The following ACTR3C variants were observed in gnomAD, a reference collection of about 807,000 sequenced individuals.
The protein encoded by ACTR3C is actin related protein 3C.
In ACTR3C, 18 loss-of-function variants were observed where a neutral mutation model predicts 26.3. That is an observed-to-expected ratio of 0.68 (90% CI 0.47 to 1.01). ACTR3C has a LOEUF of 1.01. ACTR3C is among the 50% of genes least tolerant of loss of function. ACTR3C has a pLI of 0.00. For synonymous variants in ACTR3C, 55 were observed against 94.5 expected, an observed-to-expected ratio of 0.58 and a Z score of 2.42; for missense variants, 184 against 250.7, an observed-to-expected ratio of 0.73 and a Z score of 1.80.
intron 6 of ACTR3C, among the ~76,000 whole-genome samples, chr7:150,261,592 C>A (rs1833639410): frequency 6.6e-6 from 1 of 152,258 alleles, no homozygotes; most frequent in South Asian, 2.1e-4. Context: ...ATCCCAGCTA[C>A]TTGGGAGGCT....
the ACTR3C span, among the ~76,000 whole-genome samples, chr7:150,192,615 T>C: frequency 6.6e-6 from 1 of 152,206 alleles, no homozygotes; most frequent in African/African-American, 2.4e-5. Flanking sequence ...ATTTATTCCT[T>C]AAATACCGAC....
the ACTR3C span, among the ~76,000 whole-genome samples, chr7:149,885,679 G>A: frequency 1.3e-5 from 2 of 152,246 alleles, no homozygotes; most frequent in Non-Finnish European, 2.9e-5. Flanking sequence ...AAAGACCTGG[G>A]ACACACTGGG....
At chr7:150,035,792 G>C in the ACTR3C span, among the ~76,000 whole-genome samples, 1 of 135,830 alleles carries the variant, frequency 7.4e-6, no homozygotes, top group African/African-American at 2.7e-5. Context: ...CTAAGAGCCA[G>C]TGGGGGAACC....
chr7:150,028,006 A>T, the ACTR3C span, among the ~76,000 whole-genome samples: 2 of 152,300 alleles, frequency 1.3e-5, no homozygotes, highest in African/African-American at 2.4e-5. Context: ...CCCAAAAAAT[A>T]AAAAAATTAA....
chr7:150,039,730 CCTCGCGGGGGGTGCCTCCCCCTCCTGCG>C, the ACTR3C span, among the ~76,000 whole-genome samples: 2 of 135,294 alleles, frequency 1.5e-5, no homozygotes, highest in African/African-American at 5.4e-5. Flanking sequence ...CAGTCCCCAC[CCTCGCGGGGGGTGCCTCCCCCTCCTGCG>C]ATGGGGGTCC....
intron 1 of ACTR3C, among the ~76,000 whole-genome samples, chr7:150,322,442 A>G (rs1373509314): frequency 6.6e-6 from 1 of 152,220 alleles, no homozygotes; most frequent in Non-Finnish European, 1.5e-5. Context: ...CTCACTGCTC[A>G]TTATGCACTA....
chr7:150,041,909 C>A, the ACTR3C span, among the ~76,000 whole-genome samples: 1 of 81,122 alleles, frequency 1.2e-5, no homozygotes, highest in African/African-American at 3.3e-5. Context: ...GTCCTCAGAG[C>A]CAGGGGGGGA....
the ACTR3C span, among the ~76,000 whole-genome samples, chr7:150,035,725 G>C: frequency 1.4e-5 from 2 of 140,258 alleles, 1 homozygote; most frequent in African/African-American, 5.2e-5. Flanking sequence ...GGTGAAGATG[G>C]TCTGGCTCTC....
At chr7:150,212,672 G>C in the ACTR3C span, among the ~76,000 whole-genome samples, 1 of 152,164 alleles carries the variant, frequency 6.6e-6, no homozygotes, top group Non-Finnish European at 1.5e-5. Flanking sequence ...GATAAGAAAA[G>C]CTATGAACTA....
chr7:150,112,036 T>C, the ACTR3C span, among the ~76,000 whole-genome samples: 1 of 150,704 alleles, frequency 6.6e-6, no homozygotes, highest in Non-Finnish European at 1.5e-5. Context: ...CATTTATTCC[T>C]CCGACTCACT....
At chr7:150,045,521 A>T in the ACTR3C span, among the ~76,000 whole-genome samples, 1 of 152,132 alleles carries the variant, frequency 6.6e-6, no homozygotes, top group Non-Finnish European at 1.5e-5. Context: ...ATACTATATA[A>T]ACACACAATA....
At chr7:150,294,136 C>A (rs907688376) in intron 2 of ACTR3C, among the ~76,000 whole-genome samples, 1 of 152,126 alleles carries the variant, frequency 6.6e-6, no homozygotes, top group Admixed American at 6.5e-5. Flanking sequence ...AAATTCTAAT[C>A]TGGAAGGTAC....
the ACTR3C span, among the ~76,000 whole-genome samples, chr7:150,139,546 G>A: frequency 6.6e-6 from 1 of 152,272 alleles, no homozygotes; most frequent in Non-Finnish European, 1.5e-5. Flanking sequence ...AACAGTGGCT[G>A]GGCATCGGCT....
chr7:150,037,160 C>CCT, the ACTR3C span, among the ~76,000 whole-genome samples: 1 of 48,388 alleles, frequency 2.1e-5, no homozygotes, highest in African/African-American at 8.0e-5. Flanking sequence ...GTGCCTCCCC[C>CCT]CCTGTGATGG....
At chr7:150,138,688 T>G in the ACTR3C span, among the ~76,000 whole-genome samples, 1 of 152,254 alleles carries the variant, frequency 6.6e-6, no homozygotes. Context: ...GCTCCCACAG[T>G]AAACAAATCA....
At chr7:150,036,858 A>G in the ACTR3C span, among the ~76,000 whole-genome samples, 27 of 114,548 alleles carry the variant, frequency 2.4e-4, 8 homozygotes, top group Non-Finnish European at 5.0e-4. Context: ...GGGGGGTCCT[A>G]AGCCAGGGGG....
chr7:150,003,274 A>G, the ACTR3C span, among the ~76,000 whole-genome samples: 2 of 152,272 alleles, frequency 1.3e-5, no homozygotes, highest in African/African-American at 4.8e-5. Context: ...TGTGGTGTAT[A>G]TGATATGGTA....
the ACTR3C span, among the ~76,000 whole-genome samples, chr7:150,237,706 G>C: frequency 1.3e-5 from 2 of 152,088 alleles, no homozygotes; most frequent in African/African-American, 2.4e-5. Flanking sequence ...AATAACGGGA[G>C]TATGGCAGGG....
the ACTR3C span, among the ~76,000 whole-genome samples, chr7:150,070,349 G>T: frequency 1.3e-5 from 2 of 152,212 alleles, no homozygotes; most frequent in Admixed American, 1.3e-4. Flanking sequence ...GAACCATGAT[G>T]AGTGATTTCT....
Sources: gnomAD v4.1 joint callset for allele counts (sites outside exome capture counted in the v4.1 genomes callset) on GRCh38, gnomAD v4.1.1 for gene constraint, MANE v1.5 for transcripts, NCBI Gene and HGNC (gene_info 2026-07-23, HGNC 2026-07-21) for gene names.